Variants in WDR7 observed in about 807,000 individuals in gnomAD.
The protein encoded by WDR7 is WD repeat-containing protein 7.
WDR7 carries 46 observed loss-of-function variants against 169.4 expected under a neutral mutation model. That is an observed-to-expected ratio of 0.27 (90% CI 0.21 to 0.35). The LOEUF (loss-of-function observed/expected upper bound fraction) is 0.35, where lower values mean the gene tolerates loss of function less well. Ranked by LOEUF, WDR7 falls within the 10% of genes least tolerant of loss-of-function variation. The probability of loss-of-function intolerance (pLI) is 1.00; values close to 1 mark genes in which losing one functional copy is unlikely to be tolerated. For synonymous variants in WDR7, 612 were observed against 666.8 expected (o/e 0.92, Z 1.27); for missense variants, 1,534 against 1,859.3 (o/e 0.83, Z 3.22).
intron 21 of WDR7, among the ~76,000 whole-genome samples, chr18:56,884,621 C>A (rs1402640509): frequency 6.6e-6 from 1 of 152,202 alleles, no homozygotes; most frequent in Non-Finnish European, 1.5e-5. Flanking sequence ...TCCCATCCCC[C>A]ACCACGGCTG....
At chr18:56,708,692 T>C (rs1366846366) in intron 12 of WDR7, among the ~76,000 whole-genome samples, 1 of 152,102 alleles carries the variant, frequency 6.6e-6, no homozygotes, top group African/African-American at 2.4e-5. Flanking sequence ...CCCAGCACTT[T>C]GGGAGGCCAA....
At chr18:56,819,762 A>G (rs1422257287) in intron 20 of WDR7, among the ~76,000 whole-genome samples, 1 of 152,128 alleles carries the variant, frequency 6.6e-6, no homozygotes, top group African/African-American at 2.4e-5. Context: ...ATCTGTTTTA[A>G]CTGCTTAATA....
At chr18:56,941,671 A>C (rs572677462) in intron 25 of WDR7, among the ~76,000 whole-genome samples, 50 of 152,334 alleles carry the variant, frequency 3.3e-4, no homozygotes, top group South Asian at 1.0e-3. Context: ...ATTTCATTCA[A>C]CATCATTTCA....
At chr18:57,001,311 C>A (rs560032659) in intron 26 of WDR7, among the ~76,000 whole-genome samples, 1 of 151,994 alleles carries the variant, frequency 6.6e-6, no homozygotes, top group African/African-American at 2.4e-5. Context: ...GCATCCTTAC[C>A]GAGAAATGGT....
At chr18:56,985,368 A>T (rs1275085108) in intron 26 of WDR7, among the ~76,000 whole-genome samples, 1 of 152,192 alleles carries the variant, frequency 6.6e-6, no homozygotes, top group Non-Finnish European at 1.5e-5. Context: ...ATGTTGCTAT[A>T]ACATGTATTT....
At chr18:56,838,371 G>A (rs2045428363) in intron 20 of WDR7, among the ~76,000 whole-genome samples, 1 of 152,042 alleles carries the variant, frequency 6.6e-6, no homozygotes, top group Non-Finnish European at 1.5e-5. Context: ...GTACCAAACT[G>A]GATCTCCTGC....
At chr18:56,818,040 G>A (rs1160564893) in intron 20 of WDR7, among the ~76,000 whole-genome samples, 1 of 152,130 alleles carries the variant, frequency 6.6e-6, no homozygotes, top group African/African-American at 2.4e-5. Flanking sequence ...ACTGCACCTG[G>A]CCTATTTGCA....
intron 27 of WDR7, among the ~76,000 whole-genome samples, chr18:57,023,781 C>G (rs891099769): frequency 2.9e-4 from 44 of 152,284 alleles, no homozygotes; most frequent in African/African-American, 9.9e-4. Context: ...TCACAATTCT[C>G]TCACCCAAAT....
At chr18:56,823,685 G>GTTA (rs2045143717) in intron 20 of WDR7, among the ~76,000 whole-genome samples, 1 of 152,102 alleles carries the variant, frequency 6.6e-6, no homozygotes, top group Admixed American at 6.5e-5. Flanking sequence ...TAATGGTACC[G>GTTA]TTAATGACCT....
intron 25 of WDR7, among the ~76,000 whole-genome samples, chr18:56,941,082 G>A (rs1174182754): frequency 2.0e-5 from 3 of 152,164 alleles, no homozygotes. Flanking sequence ...AACACCTACT[G>A]TGTATCAAGT....
At chr18:56,980,661 A>T (rs1368703786) in intron 26 of WDR7, among the ~76,000 whole-genome samples, 1 of 152,248 alleles carries the variant, frequency 6.6e-6, no homozygotes, top group Non-Finnish European at 1.5e-5. Context: ...AACTAAAAGG[A>T]TGATGTCCAA....
chr18:57,031,746 G>A (rs1048356725), downstream of WDR7: 1 of 152,220 alleles, frequency 6.6e-6, no homozygotes, highest in African/African-American at 2.4e-5. Context: ...CCCAGAGAAG[G>A]CCAGGAGTCT....
intron 25 of WDR7, among the ~76,000 whole-genome samples, chr18:56,944,040 G>C (rs2047068819): frequency 7.3e-6 from 1 of 137,700 alleles, no homozygotes; most frequent in African/African-American, 2.9e-5. Flanking sequence ...CCAGGCTGGA[G>C]TGCAGTGGCG....
At chr18:56,735,219 G>A (rs909206206) in intron 14 of WDR7, among the ~76,000 whole-genome samples, 3 of 152,128 alleles carry the variant, frequency 2.0e-5, no homozygotes, top group Admixed American at 2.0e-4. Context: ...GGATGGTTAG[G>A]AAGCTGTTGC....
rs748009184 is a variant in WDR7 at position 56,682,718 on chromosome 18, C to G, written c.385C>G (p.Leu129Val). 1.2e-6 allele frequency: 2 copies of G among 1,613,774 alleles called. No homozygotes were observed. The part of the protein sequence containing the change: ...FSVGNQREGR[L>V]LCHGHYPEIL... ...TGTTGGGAATCAGCGAGAAGGAAGG[C>G]TTTTATGCCACGGACATTACCCTGA... The change falls in exon 5 of 28, where the codon CTT becomes GTT. Residue 129 changes from leucine to valine, a missense_variant. Coordinates refer to ENST00000254442, the MANE Select transcript of WDR7 (RefSeq NM_015285.3).
chr18:56,976,598 A>G (rs1484750005), intron 26 of WDR7, among the ~76,000 whole-genome samples: 2 of 152,218 alleles, frequency 1.3e-5, no homozygotes, highest in Non-Finnish European at 2.9e-5. Flanking sequence ...TCGGCATCTC[A>G]GCCTCTTTGG....
rs139780844 is a variant in WDR7, at chr18:56,923,027, C to A, written c.3527-895C>A. Among the ~76,000 whole-genome samples, 1,481 of 152,270 alleles carry A rather than the reference C, an allele frequency of 9.7e-3. 19 individuals carry two copies. The highest frequency in any genetic ancestry group is 0.033 in the African/African-American group (1,378 of 41,550). ...TATGGAACCGTGGTTAATTCCCTGT[C>A]TTAAACCTGAAGCATGTGTTCCTTT... is the stretch of plus-strand genomic sequence containing the variant. On this transcript the variant is annotated intron_variant, in intron 21 of 27. Coordinates refer to ENST00000254442, the MANE Select transcript of WDR7 (RefSeq NM_015285.3).
At chr18:57,034,484 A>C (rs1299634842), downstream of WDR7, 1 of 152,206 alleles carries the variant, frequency 6.6e-6, no homozygotes, top group African/African-American at 2.4e-5. Context: ...AACAGATTCA[A>C]AAATGGAGTT....
intron 26 of WDR7, among the ~76,000 whole-genome samples, chr18:56,976,378 A>G (rs1396080463): frequency 6.6e-6 from 1 of 152,332 alleles, no homozygotes; most frequent in Middle Eastern, 3.4e-3. Flanking sequence ...TAGTTTAGGT[A>G]TGGGCAGGAA....
Sources: gnomAD v4.1 joint callset for allele counts (sites outside exome capture counted in the v4.1 genomes callset) on GRCh38, gnomAD v4.1.1 for gene constraint, MANE v1.5 for transcripts, NCBI Gene and HGNC (gene_info 2026-07-23, HGNC 2026-07-21) for gene names.